KDSR: variants seen among roughly 807,000 people sequenced by gnomAD.
KDSR encodes the protein 3-ketodihydrosphingosine reductase, also known as 3-dehydrosphinganine reductase.
KDSR carries 23 observed loss-of-function variants against 41.3 expected under a neutral mutation model. The ratio of observed to expected loss-of-function variants is 0.56; its 90% CI spans 0.40 to 0.79. The LOEUF (loss-of-function observed/expected upper bound fraction) is 0.79, where lower values mean the gene tolerates loss of function less well. Ranked by LOEUF, KDSR falls within the 30% of genes least tolerant of loss-of-function variation. KDSR has a pLI of 0.00. For missense variants in KDSR, 351 were observed against 416.8 expected (o/e 0.84, Z 1.37); for synonymous variants, 138 against 151.7 (o/e 0.91, Z 0.66).
intron 3 of KDSR, among the ~76,000 whole-genome samples, chr18:63,357,579 T>C (rs1255674460): frequency 3.8e-5 from 2 of 53,102 alleles, no homozygotes; most frequent in African/African-American, 1.6e-4. Context: ...TACATATATA[T>C]ATATATATAT....
At chr18:63,332,688 C>T (rs1035634990) in intron 9 of KDSR, among the ~76,000 whole-genome samples, 4 of 151,902 alleles carry the variant, frequency 2.6e-5, no homozygotes, top group South Asian at 2.1e-4. Context: ...AAAAATTATC[C>T]GCGTGTGGCG....
chr18:63,361,913 C>T (rs1249467374), intron 2 of KDSR, among the ~76,000 whole-genome samples: 1 of 152,212 alleles, frequency 6.6e-6, no homozygotes, highest in Non-Finnish European at 1.5e-5. Flanking sequence ...CCTACCATTC[C>T]TAATGGGTCC....
At chr18:63,347,882 T>C (rs1430199148) in intron 6 of KDSR, among the ~76,000 whole-genome samples, 1 of 152,192 alleles carries the variant, frequency 6.6e-6, no homozygotes, top group Non-Finnish European at 1.5e-5. Flanking sequence ...AAGCATTCTT[T>C]TAAAATTACT....
At chr18:63,366,955 G>A (rs1227328228) in intron 1 of KDSR, 56 bp downstream of exon 1, 6 of 999,728 alleles carry the variant, frequency 6.0e-6, no homozygotes, top group Non-Finnish European at 5.4e-6. Flanking sequence ...CGGCCTCGGC[G>A]GCGGAAAGGC....
chr18:63,340,502 G>C (rs920456571), intron 7 of KDSR, among the ~76,000 whole-genome samples: 1 of 152,142 alleles, frequency 6.6e-6, no homozygotes, highest in Non-Finnish European at 1.5e-5. Flanking sequence ...ACTAAAATTG[G>C]CCACAGTTCA....
chr18:63,366,844 G>C (rs545322963), intron 1 of KDSR, among the ~76,000 whole-genome samples, 167 bp downstream of exon 1: 1 of 152,196 alleles, frequency 6.6e-6, no homozygotes, highest in African/African-American at 2.4e-5. Context: ...CGGGTGCCGG[G>C]GCCGGGGGAA....
intron 9 of KDSR, among the ~76,000 whole-genome samples, chr18:63,332,869 C>T (rs1020811178): frequency 2.0e-5 from 3 of 150,890 alleles, no homozygotes; most frequent in African/African-American, 7.3e-5. Context: ...TAGAAAAATC[C>T]CTTTGTTTTT....
intron 9 of KDSR, among the ~76,000 whole-genome samples, chr18:63,333,236 C>T (rs954445260): frequency 1.6e-4 from 25 of 152,230 alleles, no homozygotes; most frequent in African/African-American, 3.4e-4. Context: ...CACACCACCA[C>T]GCCTGGCTTT....
chr18:63,336,801 G>C (rs1327673838), intron 8 of KDSR, among the ~76,000 whole-genome samples: 6 of 152,056 alleles, frequency 3.9e-5, no homozygotes, highest in Non-Finnish European at 8.8e-5. Context: ...TATCAAAAAA[G>C]AATGTCCATA....
At chr18:63,362,378 G>A (rs1414191642) in intron 2 of KDSR, among the ~76,000 whole-genome samples, 3 of 152,214 alleles carry the variant, frequency 2.0e-5, no homozygotes, top group Non-Finnish European at 4.4e-5. Flanking sequence ...TAAGCAAATC[G>A]TAGTGAAAAA....
At chr18:63,346,931 A>G (rs1568279167) in intron 6 of KDSR, among the ~76,000 whole-genome samples, 1 of 152,204 alleles carries the variant, frequency 6.6e-6, no homozygotes, top group Admixed American at 6.5e-5. Context: ...TTAATCTACC[A>G]ATCTCATAAC....
rs1318903213 is a variant in KDSR, at chr18:63,331,861, TAAAAC to T, written c.915_919del (p.Phe306ProfsTer5). The T allele has an allele frequency of 1.2e-6, 2 of 1,613,754 alleles. No homozygotes were observed. Among genetic ancestry groups the T allele is most frequent in the Admixed American group, 3.3e-5 (2 of 59,976 alleles). The stretch of plus-strand genomic sequence containing the variant: ...AACTATGCTGTCAAAACTTCCAAGG[TAAAAC>T]AAAGCAATAGTGCGGAAAAGGCCCA... On this transcript the variant is annotated frameshift_variant, in exon 10 of 10. Transcript: ENST00000645214. LOFTEE classifies it high-confidence loss of function.
chr18:63,356,247 A>T (rs1336814847), intron 3 of KDSR, among the ~76,000 whole-genome samples: 1 of 152,110 alleles, frequency 6.6e-6, no homozygotes, highest in Non-Finnish European at 1.5e-5. Context: ...AAAATACAAA[A>T]AATTAGCCTG....
In KDSR at chr18:63,329,912, GC is replaced by G. The variant is rs1913926045; in HGVS notation, c.*1869del. On this transcript the variant is annotated 3_prime_UTR_variant, in exon 10 of 10. Coordinates refer to ENST00000645214, the MANE Select transcript of KDSR (RefSeq NM_002035.4). ...GATTCCATTTTAGCAGCTGCACAAC[GC>G]AACTCGATATAATCTGCAAACTTTG... 1 of 191,628 alleles carries G rather than the reference GC, an allele frequency of 5.2e-6. No individual in the cohort carries two copies. The highest frequency in any genetic ancestry group is 1.1e-5 in the Non-Finnish European group (1 of 91,608). The allele number at this position is 191,628 out of a possible 1,614,324, so 11.9% of individuals were successfully genotyped here. A position where few individuals can be genotyped will look rare whatever the true frequency, so the allele number is the denominator to read the frequency against.
At chr18:63,350,353 CTTT>C (rs1319889719) in intron 6 of KDSR, among the ~76,000 whole-genome samples, 2 of 152,178 alleles carry the variant, frequency 1.3e-5, no homozygotes, top group African/African-American at 4.8e-5. Context: ...CCCAACAATT[CTTT>C]AAGATATAAA....
At chr18:63,347,560 G>C (rs756644388) in intron 6 of KDSR, among the ~76,000 whole-genome samples, 2 of 149,334 alleles carry the variant, frequency 1.3e-5, no homozygotes, top group African/African-American at 2.5e-5. Context: ...AGGATGTGCT[G>C]TTCCCTATTC....
chr18:63,334,810 T>C (rs1422671164), intron 9 of KDSR, among the ~76,000 whole-genome samples: 2 of 152,240 alleles, frequency 1.3e-5, no homozygotes, highest in African/African-American at 4.8e-5. Context: ...GCGAAGCAAC[T>C]GTTTAATCCA....
intron 7 of KDSR, among the ~76,000 whole-genome samples, chr18:63,341,456 C>T (rs1394004620): frequency 2.1e-5 from 3 of 140,692 alleles, no homozygotes; most frequent in African/African-American, 7.9e-5. Context: ...GAAGGGAGAA[C>T]AAAAGGCCCA....
chr18:63,340,813 C>G (rs962244023), intron 7 of KDSR, among the ~76,000 whole-genome samples: 3 of 152,204 alleles, frequency 2.0e-5, no homozygotes, highest in African/African-American at 4.8e-5. Flanking sequence ...ATTCTCACCA[C>G]TAAGAGTAGT....
Sources: gnomAD v4.1 joint callset for allele counts (sites outside exome capture counted in the v4.1 genomes callset) on GRCh38, gnomAD v4.1.1 for gene constraint, MANE v1.5 for transcripts, NCBI Gene and HGNC (gene_info 2026-07-23, HGNC 2026-07-21) for gene names.